Variants in LRRTM4 observed in about 807,000 individuals in gnomAD.
The protein encoded by LRRTM4 is leucine rich repeat transmembrane neuronal 4.
LRRTM4 carries 25 observed loss-of-function variants against 47.6 expected under a neutral mutation model. The ratio of observed to expected loss-of-function variants is 0.53; its 90% confidence interval spans 0.38 to 0.73. The LOEUF is 0.73. Among genes scored for constraint, LRRTM4 ranks in the 30% least tolerant of loss-of-function variants. LRRTM4 has a pLI of 0.00. For synonymous variants in LRRTM4, 311 were observed against 269.5 expected, an observed-to-expected ratio of 1.15 and a Z score of -1.51; for missense variants, 638 against 713.4, an observed-to-expected ratio of 0.89 and a Z score of 1.20.
chr2:76,928,518 A>T (rs10187924), intron 3 of LRRTM4, among the ~76,000 whole-genome samples: 37,229 of 151,978 alleles, frequency 0.24, 6,226 homozygotes, highest in African/African-American at 0.47. Flanking sequence ...GTGGTGAAAG[A>T]TCAAAGCCTT....
At position 76,936,954 on chromosome 2, in the gene LRRTM4, CAAAAAAAAAAAAAAAAAA is replaced by C. The variant is rs56140303; in HGVS notation, c.1552-188056_1552-188039del. Among the ~76,000 whole-genome samples, 25 of 22,692 alleles carry C rather than the reference CAAAAAAAAAAAAAAAAAA, an allele frequency of 1.1e-3. 1 individual carries two copies. In the East Asian group the frequency reaches 0.025, roughly 23 times the overall value. The allele number at this position is 22,692 out of a possible 152,430, so 14.9% of individuals were successfully genotyped here. On this transcript the variant is annotated intron_variant, in intron 3 of 3. Coordinates refer to ENST00000409884, the MANE Select transcript of LRRTM4 (RefSeq NM_001134745.3). ...TGGGCGACAGAGCAAGACTCCATCT[CAAAAAAAAAAAAAAAAAA>C]AAAAAAAAAAAAAGAGCACATAAGT... is the stretch of plus-strand genomic sequence containing the variant.
At chr2:77,197,061 A>G (rs1673848802) in intron 3 of LRRTM4, among the ~76,000 whole-genome samples, 1 of 152,146 alleles carries the variant, frequency 6.6e-6, no homozygotes, top group African/African-American at 2.4e-5. Flanking sequence ...ATTGATTTCA[A>G]TAGACTCATC....
At chr2:77,012,210 G>A (rs931625809) in intron 3 of LRRTM4, among the ~76,000 whole-genome samples, 1 of 152,072 alleles carries the variant, frequency 6.6e-6, no homozygotes, top group Non-Finnish European at 1.5e-5. Context: ...GCTTACTCAA[G>A]TATTTCTAGG....
At chr2:77,056,956 T>C (rs539804335) in intron 3 of LRRTM4, among the ~76,000 whole-genome samples, 4 of 152,340 alleles carry the variant, frequency 2.6e-5, no homozygotes, top group African/African-American at 9.6e-5. Context: ...AAACTCAACC[T>C]GTGTGCAAAA....
At chr2:76,785,278 A>C (rs189152239) in intron 3 of LRRTM4, among the ~76,000 whole-genome samples, 1 of 152,154 alleles carries the variant, frequency 6.6e-6, no homozygotes, top group South Asian at 2.1e-4. Flanking sequence ...ATGTGGGACT[A>C]CAGTTCTGCT....
intron 3 of LRRTM4, among the ~76,000 whole-genome samples, chr2:77,511,908 A>G (rs554445626): frequency 2.0e-5 from 3 of 152,264 alleles, no homozygotes; most frequent in South Asian, 4.1e-4. Flanking sequence ...TATGTTTACA[A>G]ACCTTACGTA....
chr2:77,216,012 C>T (rs368342111), intron 3 of LRRTM4, among the ~76,000 whole-genome samples: 211 of 152,258 alleles, frequency 1.4e-3, no homozygotes, highest in African/African-American at 4.6e-3. Flanking sequence ...ACCTGCAGAA[C>T]GTTAGAGCTG....
At chr2:76,963,842 G>A (rs1675940590) in intron 3 of LRRTM4, among the ~76,000 whole-genome samples, 1 of 150,450 alleles carries the variant, frequency 6.6e-6, no homozygotes, top group South Asian at 2.1e-4. Flanking sequence ...ATTTAAGGAA[G>A]TATTTTTAGT....
chr2:77,128,546 C>T (rs902928951), intron 3 of LRRTM4, among the ~76,000 whole-genome samples: 1 of 152,194 alleles, frequency 6.6e-6, no homozygotes, highest in East Asian at 1.9e-4. Flanking sequence ...CGGTAAGTCC[C>T]ATCTAGTAAA....
At chr2:77,019,259 A>C in intron 3 of LRRTM4, among the ~76,000 whole-genome samples, 1 of 148,958 alleles carries the variant, frequency 6.7e-6, no homozygotes, top group Non-Finnish European at 1.5e-5. Flanking sequence ...TCTACAAAAA[A>C]AAAAAAAAAA....
At chr2:76,898,755 G>T (rs981395998) in intron 3 of LRRTM4, among the ~76,000 whole-genome samples, 9 of 150,482 alleles carry the variant, frequency 6.0e-5, no homozygotes, top group African/African-American at 1.9e-4. Context: ...TGTTAGAAAA[G>T]GTATAGAAGA....
Position 76,842,002 on chromosome 2 carries a change from G to A in LRRTM4, c.1552-93086C>T, listed in dbSNP as rs961512037. On this transcript the variant is annotated intron_variant, in intron 3 of 3. Transcript: ENST00000409884. ...TCATGTATCACTAGACTGAGCTACT[G>A]GATGTCCAGAGAGCTGGTTAAACAT... is the stretch of plus-strand genomic sequence containing the variant. Among the ~76,000 whole-genome samples, 6 of 152,244 alleles carry A rather than the reference G, an allele frequency of 3.9e-5. No homozygotes were observed. In the South Asian group the frequency reaches 1.2e-3, roughly 32 times the overall value.
At chr2:77,502,575 C>G (rs1402310905) in intron 3 of LRRTM4, among the ~76,000 whole-genome samples, 1 of 151,450 alleles carries the variant, frequency 6.6e-6, no homozygotes, top group African/African-American at 2.4e-5. Context: ...ATTATTTATT[C>G]TTTCAGTAAG....
chr2:76,768,051 T>C (rs1673527144), intron 3 of LRRTM4, among the ~76,000 whole-genome samples: 1 of 152,196 alleles, frequency 6.6e-6, no homozygotes, highest in Non-Finnish European at 1.5e-5. Context: ...ATTGATTGAT[T>C]CTTAAAGACT....
chr2:77,509,207 G>A (rs1008525189), intron 3 of LRRTM4, among the ~76,000 whole-genome samples: 2 of 146,226 alleles, frequency 1.4e-5, no homozygotes, highest in African/African-American at 5.1e-5. Context: ...ACTCCAGCCT[G>A]GGCAACAGAG....
chr2:77,022,842 C>T lies in LRRTM4; in HGVS notation c.1552-273926G>A, dbSNP rs183826786. Among the ~76,000 whole-genome samples the T allele has an allele frequency of 4.5e-3, 679 of 152,218 alleles. 3 individuals carry two copies. Among genetic ancestry groups the T allele is most frequent in the South Asian group, 9.7e-3 (47 of 4,822 alleles). The stretch of plus-strand genomic sequence containing the variant: ...AGTGTCTGTGGCTTTTCAAGGCTCG[C>T]GTTGTAAGCTGTAGTTGGATCTACG... On this transcript the variant is annotated intron_variant, in intron 3 of 3. Transcript: ENST00000409884.
chr2:76,752,780 T>A (rs1046871660), intron 3 of LRRTM4, among the ~76,000 whole-genome samples: 2 of 152,158 alleles, frequency 1.3e-5, no homozygotes, highest in African/African-American at 4.8e-5. Flanking sequence ...TTTCCAGTAG[T>A]CAAAACAAAG....
chr2:77,139,412 C>T (rs549642339), intron 3 of LRRTM4, among the ~76,000 whole-genome samples: 1 of 152,216 alleles, frequency 6.6e-6, no homozygotes, highest in South Asian at 2.1e-4. Context: ...AGGACTTTGA[C>T]AAAATTCAAC....
chr2:76,785,901 G>C (rs953128787), intron 3 of LRRTM4, among the ~76,000 whole-genome samples: 14 of 152,054 alleles, frequency 9.2e-5, no homozygotes, highest in African/African-American at 3.4e-4. Flanking sequence ...TTGTGTGTAG[G>C]CCGACCACAA....
Sources: allele counts gnomAD v4.1 joint callset (sites outside exome capture counted in the v4.1 genomes callset), GRCh38; gene constraint gnomAD v4.1.1; transcripts MANE v1.5; gene names NCBI Gene and HGNC (gene_info 2026-07-23, HGNC 2026-07-21).